Variants in KCTD3 observed in about 807,000 individuals in gnomAD.
The protein encoded by KCTD3 is potassium channel tetramerization domain containing 3.
KCTD3 carries 41 observed loss-of-function variants against 85.8 expected under a neutral mutation model. The observed-to-expected ratio is 0.48, with a 90% CI of 0.37 to 0.62. KCTD3 has a LOEUF of 0.62. Among genes scored for constraint, KCTD3 ranks in the 20% least tolerant of loss-of-function variants. KCTD3 has a pLI of 0.00. For synonymous variants in KCTD3, 338 were observed against 345.4 expected, an observed-to-expected ratio of 0.98 and a Z score of 0.24; for missense variants, 724 against 989.9, an observed-to-expected ratio of 0.73 and a Z score of 3.60.
At position 215,620,714 on chromosome 1, in the gene KCTD3, A is replaced by G; in HGVS notation, c.*96A>G. The G allele has an allele frequency of 1.2e-6, 1 of 816,766 alleles. No individual in the cohort carries two copies. The highest frequency in any genetic ancestry group is 1.9e-6 in the Non-Finnish European group (1 of 532,018). The allele number at this position is 816,766 out of a possible 1,614,324, so 50.6% of individuals were successfully genotyped here. A position where few individuals can be genotyped will look rare whatever the true frequency, so the allele number is the denominator to read the frequency against. On this transcript the variant is annotated 3_prime_UTR_variant, in exon 18 of 18. Coordinates refer to ENST00000259154, the MANE Select transcript of KCTD3 (RefSeq NM_016121.5). Reference sequence around the variant, plus strand: ...TTAGTTTTTACACTAAAACTTTACAAGATAAAATTGGACTTCATTTAGTAT... The same window carrying G: ...TTAGTTTTTACACTAAAACTTTACAGGATAAAATTGGACTTCATTTAGTAT...
At chr1:215,602,551 T>A (rs1450227626) in intron 12 of KCTD3, among the ~76,000 whole-genome samples, 1 of 152,080 alleles carries the variant, frequency 6.6e-6, no homozygotes, top group African/African-American at 2.4e-5. Flanking sequence ...AGGAGCTTTT[T>A]AAAAAATAAA....
At chr1:215,574,039 TA>T in intron 2 of KCTD3, 33 bp from the exon 3 acceptor site, 2 of 1,528,424 alleles carry the variant, frequency 1.3e-6, no homozygotes, top group Non-Finnish European at 1.8e-6. Context: ...ACTCAGATTT[TA>T]AAAACTAACT....
At chr1:215,572,433 G>A (rs1240978918) in intron 1 of KCTD3, among the ~76,000 whole-genome samples, 1 of 152,158 alleles carries the variant, frequency 6.6e-6, no homozygotes, top group Admixed American at 6.5e-5. Context: ...TGCCTCAGGT[G>A]CCTGGATGGA....
intron 10 of KCTD3, among the ~76,000 whole-genome samples, chr1:215,601,187 TCGGCAG>T (rs1276401031): frequency 4.2e-5 from 6 of 142,556 alleles, no homozygotes; most frequent in African/African-American, 1.8e-4. Context: ...TCTGCCTGCC[TCGGCAG>T]GTTTCTTTTA....
chr1:215,615,920 T>C (rs1571902197), intron 15 of KCTD3, among the ~76,000 whole-genome samples: 1 of 152,174 alleles, frequency 6.6e-6, no homozygotes, highest in Admixed American at 6.5e-5. Context: ...AGTAGGGAAC[T>C]CCAGTGGAGA....
chr1:215,582,807 C>A (rs533645831), intron 8 of KCTD3, among the ~76,000 whole-genome samples: 10 of 152,258 alleles, frequency 6.6e-5, no homozygotes, highest in African/African-American at 2.4e-4. Context: ...AGTGATTCAC[C>A]CGCCTCAGCC....
intron 8 of KCTD3, 26 bp from the exon 9 acceptor site, chr1:215,586,469 C>T (rs2102570095): frequency 2.5e-6 from 4 of 1,583,310 alleles, no homozygotes; most frequent in Non-Finnish European, 3.4e-6. Context: ...CTGAGTCTAC[C>T]TTATGTGCCT....
chr1:215,590,819 A>G (rs1276914794), intron 9 of KCTD3, among the ~76,000 whole-genome samples: 2 of 152,046 alleles, frequency 1.3e-5, no homozygotes, highest in Admixed American at 6.5e-5. Flanking sequence ...TTTGGGTCAC[A>G]TTTTCCTGTT....
intron 8 of KCTD3, among the ~76,000 whole-genome samples, chr1:215,585,462 C>T (rs548704710): frequency 6.6e-6 from 1 of 151,974 alleles, no homozygotes; most frequent in Admixed American, 6.5e-5. Flanking sequence ...TTATTTAGGC[C>T]CTTAGGTGAC....
Position 215,620,189 on chromosome 1 carries a change from T to G in KCTD3, c.2019T>G (p.Thr673=). 6.2e-7 allele frequency: 1 copy of G among 1,613,908 alleles called. No individual in the cohort carries two copies. Among genetic ancestry groups the G allele is most frequent in the Non-Finnish European group, 8.5e-7 (1 of 1,179,830 alleles). ...TTCACAGTTATAGGGACTTCCAGAC[T>G]ATTAATTTGAACAGAAATGTAGAAA... is the stretch of plus-strand genomic sequence containing the variant. ...ESFHSYRDFQ[T]INLNRNVERA... Residue 673 remains threonine (T), a synonymous_variant, in exon 18 of 18, where the codon ACT becomes ACG. Transcript: ENST00000259154.
intron 12 of KCTD3, 86 bp downstream of exon 12, chr1:215,602,287 G>A: frequency 1.5e-6 from 1 of 673,110 alleles, no homozygotes; most frequent in Non-Finnish European, 2.6e-6. Flanking sequence ...AATTAAACTG[G>A]TTTATTTCTT....
intron 10 of KCTD3, among the ~76,000 whole-genome samples, chr1:215,600,849 C>T (rs965626827): frequency 1.3e-5 from 2 of 152,084 alleles, no homozygotes; most frequent in African/African-American, 2.4e-5. Flanking sequence ...ACAGGCTTGT[C>T]TGGCCTGGCT....
chr1:215,613,282 G>C (rs1378370533), intron 15 of KCTD3, among the ~76,000 whole-genome samples: 1 of 152,184 alleles, frequency 6.6e-6, no homozygotes, highest in African/African-American at 2.4e-5. Flanking sequence ...GAGTGCTGTG[G>C]TGTGATCTCA....
chr1:215,567,852 AACG>A (rs1659198805), intron 1 of KCTD3, 84 bp downstream of exon 1: 1 of 966,058 alleles, frequency 1.0e-6, no homozygotes, highest in East Asian at 3.3e-5. Flanking sequence ...GAGTCGCAGG[AACG>A]AGGGCGAGCG....
rs554809675 is a variant in KCTD3, at chr1:215,572,325, A to G, written c.84-1461A>G. ...CTGGCTTTAAGAAAAAACAACATCT[A>G]CTTTTTTAATACAAAATCCATTTCT... On this transcript the variant is annotated intron_variant, in intron 1 of 17. Coordinates refer to ENST00000259154, the MANE Select transcript of KCTD3 (RefSeq NM_016121.5). Among the ~76,000 whole-genome samples the G allele has an allele frequency of 9.8e-5, 15 of 152,302 alleles. No homozygotes were observed. In the South Asian group the frequency reaches 2.7e-3, roughly 27 times the overall value.
intron 6 of KCTD3, 114 bp downstream of exon 6, chr1:215,578,195 T>C (rs1659662613): frequency 1.2e-6 from 1 of 820,512 alleles, no homozygotes; most frequent in African/African-American, 1.7e-5. Context: ...TATAAATCTA[T>C]TAGAAATGGT....
chr1:215,613,812 T>C (rs1398129999), intron 15 of KCTD3, among the ~76,000 whole-genome samples: 2 of 152,046 alleles, frequency 1.3e-5, no homozygotes, highest in South Asian at 4.1e-4. Flanking sequence ...GTTTTAAGTA[T>C]ATGGCTTTGT....
chr1:215,614,541 G>A (rs867442663), intron 15 of KCTD3, among the ~76,000 whole-genome samples: 1 of 152,148 alleles, frequency 6.6e-6, no homozygotes, highest in South Asian at 2.1e-4. Context: ...CACCTCTGTG[G>A]TTTGCTGTAT....
chr1:215,574,304 C>A (rs1053582549), intron 3 of KCTD3, among the ~76,000 whole-genome samples, 186 bp downstream of exon 3: 17 of 152,006 alleles, frequency 1.1e-4, no homozygotes, highest in African/African-American at 3.9e-4. Context: ...GTAGGGAATA[C>A]TATATATGGC....
Sources: gnomAD v4.1 joint callset for allele counts (sites outside exome capture counted in the v4.1 genomes callset) on GRCh38, gnomAD v4.1.1 for gene constraint, MANE v1.5 for transcripts, NCBI Gene and HGNC (gene_info 2026-07-23, HGNC 2026-07-21) for gene names.